The following SLC12A7 variants were observed in gnomAD, a reference collection of about 807,000 sequenced individuals.
SLC12A7 encodes the protein solute carrier family 12 member 7, also known as K-Cl cotransporter 4.
SLC12A7 carries 100 observed loss-of-function variants against 120.6 expected under a neutral mutation model. The ratio of observed to expected loss-of-function variants is 0.83; its 90% CI spans 0.71 to 0.98. The LOEUF (loss-of-function observed/expected upper bound fraction) is 0.98, where lower values mean the gene tolerates loss of function less well. Among genes scored for constraint, SLC12A7 ranks in the 50% least tolerant of loss-of-function variants. The pLI is 0.00. For synonymous variants in SLC12A7, 760 were observed against 678.0 expected, an observed-to-expected ratio of 1.12 and a Z score of -1.88; for missense variants, 1,373 against 1,548.1, an observed-to-expected ratio of 0.89 and a Z score of 1.90.
intron 5 of SLC12A7, among the ~76,000 whole-genome samples, chr5:1,087,883 T>A (rs1214199363): frequency 6.6e-6 from 1 of 152,262 alleles, no homozygotes; most frequent in African/African-American, 2.4e-5. Context: ...CTCGGTTCAC[T>A]AGTTATTTAG....
intron 1 of SLC12A7, among the ~76,000 whole-genome samples, chr5:1,103,584 C>T (rs568975037): frequency 1.3e-5 from 2 of 152,374 alleles, no homozygotes; most frequent in African/African-American, 4.8e-5. Flanking sequence ...CAAACCTGCA[C>T]ACGCACCTGT....
intron 20 of SLC12A7, among the ~76,000 whole-genome samples, chr5:1,061,709 G>GGAGGCC (rs1736305431): frequency 6.6e-6 from 1 of 152,212 alleles, no homozygotes; most frequent in South Asian, 2.1e-4. Context: ...CAACACTTTG[G>GGAGGCC]GAGGCCGAGG....
chr5:1,138,524 A>G, the SLC12A7 span, among the ~76,000 whole-genome samples: 1 of 152,120 alleles, frequency 6.6e-6, no homozygotes, highest in Non-Finnish European at 1.5e-5. Context: ...TCTCAACCTC[A>G]TAGGGCCTCC....
At chr5:1,143,611 A>G in the SLC12A7 span, among the ~76,000 whole-genome samples, 1 of 152,204 alleles carries the variant, frequency 6.6e-6, no homozygotes, top group Admixed American at 6.5e-5. Flanking sequence ...GGCACGACTC[A>G]GTCGGCAGCT....
the SLC12A7 span, among the ~76,000 whole-genome samples, chr5:1,150,593 A>G: frequency 6.6e-6 from 1 of 152,256 alleles, no homozygotes; most frequent in Non-Finnish European, 1.5e-5. Context: ...CAAATTAAAC[A>G]CTAAATAGCA....
Position 1,111,920 on chromosome 5 carries a change from C to T in SLC12A7, c.72G>A (p.Arg24=), listed in dbSNP as rs760232457. The change falls in exon 1 of 24, where the codon CGG becomes CGA. Residue 24 remains arginine, a synonymous_variant. Transcript: ENST00000264930. ...ADGGGDETAE[R]TEAPGTPEGP... ...CCTCGGGGGTGCCCGGAGCCTCCGT[C>T]CGCTCGGCAGTCTCGTCCCCGCCGC... The T allele has an allele frequency of 5.5e-6, 7 of 1,270,216 alleles. No individual in the cohort carries two copies. In the South Asian group the frequency reaches 1.4e-4, roughly 25 times the overall value. 78.7% of individuals were successfully genotyped at this position (1,270,216 alleles called of 1,614,324 possible).
chr5:1,052,637 A>G (rs1214366916), intron 23 of SLC12A7, among the ~76,000 whole-genome samples, 186 bp from the exon 24 acceptor site: 1 of 152,096 alleles, frequency 6.6e-6, no homozygotes, highest in Non-Finnish European at 1.5e-5. Context: ...GGCAGGGGAG[A>G]GAGGGGCCAG....
At chr5:1,055,413 C>A (rs191608221) in intron 22 of SLC12A7, among the ~76,000 whole-genome samples, 13 of 152,206 alleles carry the variant, frequency 8.5e-5, no homozygotes, top group African/African-American at 3.1e-4. Context: ...AGTGTGCTCC[C>A]GGGGACGTCA....
chr5:1,132,793 A>T, the SLC12A7 span, among the ~76,000 whole-genome samples: 1 of 152,256 alleles, frequency 6.6e-6, no homozygotes, highest in South Asian at 2.1e-4. Context: ...ACTGCACTGC[A>T]GTGTCCATGG....
At chr5:1,075,824 G>A (rs1738269246) in intron 14 of SLC12A7, 1 of 506,432 alleles carries the variant, frequency 2.0e-6, no homozygotes, top group South Asian at 3.5e-5. Flanking sequence ...CCACAGCCCT[G>A]ATGGGCTACG....
At chr5:1,077,261 G>C (rs928070178) in intron 12 of SLC12A7, among the ~76,000 whole-genome samples, 1 of 152,192 alleles carries the variant, frequency 6.6e-6, no homozygotes, top group Non-Finnish European at 1.5e-5. Context: ...ACCACACAAA[G>C]GCCCTGCGGG....
At chr5:1,059,593 C>T (rs1472513871) in intron 21 of SLC12A7, among the ~76,000 whole-genome samples, 2 of 152,242 alleles carry the variant, frequency 1.3e-5, no homozygotes, top group Non-Finnish European at 2.9e-5. Context: ...GAAGTGACCA[C>T]AAAGACACCT....
At chr5:1,140,497 A>AG in the SLC12A7 span, among the ~76,000 whole-genome samples, 8 of 151,872 alleles carry the variant, frequency 5.3e-5, no homozygotes, top group Non-Finnish European at 1.0e-4. Context: ...CCTGCTGGTG[A>AG]GGGGGGGTGC....
At chr5:1,095,037 GGC>G (rs770526361) in intron 1 of SLC12A7, among the ~76,000 whole-genome samples, 5,169 of 89,998 alleles carry the variant, frequency 0.057, 162 homozygotes, top group Non-Finnish European at 0.11. Context: ...GGAGGCGGGG[GGC>G]CGGTAGGAGG....
intron 18 of SLC12A7, among the ~76,000 whole-genome samples, chr5:1,065,022 G>A (rs112981103): frequency 4.9e-4 from 70 of 142,792 alleles, no homozygotes; most frequent in African/African-American, 1.7e-3. Context: ...GAGGGGACAC[G>A]GGACAGTGAG....
chr5:1,064,746 C>T lies in SLC12A7; in HGVS notation c.2438-494G>A, dbSNP rs562875821. Among the ~76,000 whole-genome samples the T allele has an allele frequency of 7.6e-4, 109 of 142,986 alleles. 1 individual carries two copies. The highest frequency in any genetic ancestry group is 2.6e-3 in the African/African-American group (96 of 37,390). The allele number at this position is 142,986 out of a possible 152,430, so 93.8% of individuals were successfully genotyped here. ...AGACGGTGAAGGGACAGCGAGGGGA[C>T]GGCGAGGAGACGGTGAAGGGACAGC... is the stretch of plus-strand genomic sequence containing the variant. On this transcript the variant is annotated intron_variant, in intron 18 of 23. Coordinates refer to ENST00000264930, the MANE Select transcript of SLC12A7 (RefSeq NM_006598.3).
rs1350305880 is a variant in SLC12A7 at position 1,075,493 on chromosome 5, G to C, written c.1848-3C>G. On this transcript the variant is annotated splice_region_variant and splice_polypyrimidine_tract_variant and intron_variant, in intron 14 of 23. Transcript: ENST00000264930. ...TCATACCCAGAAAGGACAGGGTCCTGGGGGCGGGGCAAGTGGCTCGGGGCG... is the reference window on the plus strand; with the variant it reads ...TCATACCCAGAAAGGACAGGGTCCTCGGGGCGGGGCAAGTGGCTCGGGGCG... 1 of 1,609,050 alleles carries C rather than the reference G, an allele frequency of 6.2e-7. No individual in the cohort carries two copies. The highest frequency in any genetic ancestry group is 8.5e-7 in the Non-Finnish European group (1 of 1,177,026).
At chr5:1,147,247 G>GC in the SLC12A7 span, among the ~76,000 whole-genome samples, 847 of 75,256 alleles carry the variant, frequency 0.011, 13 homozygotes, top group African/African-American at 0.021. Context: ...GGCCCACCCC[G>GC]CCACCCCCCC....
intron 1 of SLC12A7, among the ~76,000 whole-genome samples, chr5:1,095,157 T>C (rs949856553): frequency 6.7e-6 from 1 of 149,446 alleles, no homozygotes; most frequent in Non-Finnish European, 1.5e-5. Context: ...CCACCCTCCA[T>C]GGGAGGACAC....
Sources: allele counts gnomAD v4.1 joint callset (sites outside exome capture counted in the v4.1 genomes callset), GRCh38; gene constraint gnomAD v4.1.1; transcripts MANE v1.5; gene names NCBI Gene and HGNC (gene_info 2026-07-23, HGNC 2026-07-21).